The following SMAP1 variants were observed in gnomAD, a reference collection of about 807,000 sequenced individuals.
SMAP1 encodes the protein stromal membrane-associated protein 1.
A neutral mutation model predicts 58.5 loss-of-function variants in SMAP1; 24 were observed. The ratio of observed to expected loss-of-function variants is 0.41; its 90% CI spans 0.30 to 0.58. SMAP1 has a LOEUF of 0.58. Among genes scored for constraint, SMAP1 ranks in the 20% least tolerant of loss-of-function variants. The pLI, the probability that SMAP1 is intolerant of heterozygous loss-of-function variation, is 0.29. For missense variants in SMAP1, 563 were observed against 566.3 expected (o/e 0.99, Z 0.06); for synonymous variants, 216 against 196.6 (o/e 1.10, Z -0.82).
chr6:70,749,301 G>A (rs561993499), intron 2 of SMAP1, among the ~76,000 whole-genome samples: 1 of 152,204 alleles, frequency 6.6e-6, no homozygotes, highest in African/African-American at 2.4e-5. Context: ...CTCCCACCAA[G>A]TCCCTTCCCA....
intron 1 of SMAP1, among the ~76,000 whole-genome samples, chr6:70,688,499 T>G (rs781967): frequency 0.43 from 66,000 of 152,024 alleles, 14,695 homozygotes; most frequent in South Asian, 0.5. Flanking sequence ...ATGTTAGATG[T>G]GTTGTAACAG....
At chr6:70,833,380 C>T (rs954743538) in intron 6 of SMAP1, among the ~76,000 whole-genome samples, 3 of 152,154 alleles carry the variant, frequency 2.0e-5, no homozygotes, top group African/African-American at 7.2e-5. Flanking sequence ...ACGTTGTGTT[C>T]AGGTTACGGC....
intron 10 of SMAP1, chr6:70,859,394 G>A: frequency 6.5e-7 from 1 of 1,549,044 alleles, no homozygotes; most frequent in Non-Finnish European, 8.7e-7. Context: ...CAATGACAAG[G>A]TGGTTAAAAT....
At chr6:70,840,650 C>A (rs556902106) in intron 7 of SMAP1, among the ~76,000 whole-genome samples, 77 of 152,250 alleles carry the variant, frequency 5.1e-4, no homozygotes, top group African/African-American at 1.7e-3. Context: ...TTTATGTTCC[C>A]AATAGTACCT....
At chr6:70,669,485 G>T (rs1300314211) in intron 1 of SMAP1, among the ~76,000 whole-genome samples, 3 of 152,332 alleles carry the variant, frequency 2.0e-5, no homozygotes, top group South Asian at 2.1e-4. Context: ...ATTGAGTCAA[G>T]ATTATATTTA....
At chr6:70,843,827 A>G (rs1375029486) in intron 7 of SMAP1, among the ~76,000 whole-genome samples, 4 of 152,214 alleles carry the variant, frequency 2.6e-5, no homozygotes. Context: ...CTTTATGTGA[A>G]GCACCTAGCA....
Position 70,729,459 on chromosome 6 carries a change from T to TTGTGTGTGTGTGTGTGTGTG in SMAP1, c.119-2903_119-2884dup, listed in dbSNP as rs35058846. Among the ~76,000 whole-genome samples the TTGTGTGTGTGTGTGTGTGTG allele has an allele frequency of 1.2e-3, 149 of 128,104 alleles. 1 individual carries two copies. The highest frequency in any genetic ancestry group is 1.6e-3 in the South Asian group (6 of 3,796). The allele number at this position is 128,104 out of a possible 152,430, so 84.0% of individuals were successfully genotyped here. ...GTCTCAAAAAAAAAAAAAAAGAAGG[T>TTGTGTGTGTGTGTGTGTGTG]TGTGTGTGTGTGTGTGTGTGTGTGT... On this transcript the variant is annotated intron_variant, in intron 1 of 10. Coordinates refer to ENST00000370455, the MANE Select transcript of SMAP1 (RefSeq NM_001044305.3).
At position 70,860,311 on chromosome 6, in the gene SMAP1, C is replaced by T. The variant is rs374666903; in HGVS notation, c.1381C>T (p.Leu461Phe). Residue 461 changes from leucine to phenylalanine, a missense_variant, in exon 11 of 11, where the codon CTC (leucine) becomes TTC (phenylalanine). Leu to Phe is a conservative substitution (Grantham distance 22, BLOSUM62 0). Around this residue, in one of 3 missense-constraint regions of SMAP1, gnomAD observed 494 missense variants for 473.8 expected, o/e 1.04. Transcript: ENST00000370455. ...GTCTGGAAGCTCATCAGGTCAGACTCTCAGCACACAACTGTGGAAATGAAA... is the reference window on the plus strand; with the variant it reads ...GTCTGGAAGCTCATCAGGTCAGACTTTCAGCACACAACTGTGGAAATGAAA... Reference protein sequence around the residue: ...GWSGSSSGQTLSTQLWK With the variant: ...GWSGSSSGQTFSTQLWK 7 of 1,612,490 alleles carry T rather than the reference C, an allele frequency of 4.3e-6. No individual in the cohort carries two copies. Among genetic ancestry groups the T allele is most frequent in the South Asian group, 1.1e-5 (1 of 90,728 alleles).
chr6:70,712,366 C>T (rs1768089684), intron 1 of SMAP1, among the ~76,000 whole-genome samples: 2 of 152,152 alleles, frequency 1.3e-5, no homozygotes, highest in African/African-American at 2.4e-5. Flanking sequence ...TGAATGTGTG[C>T]TCATCAGAGA....
intron 3 of SMAP1, among the ~76,000 whole-genome samples, chr6:70,765,228 C>A (rs961488314): frequency 2.6e-5 from 4 of 152,178 alleles, no homozygotes; most frequent in African/African-American, 9.7e-5. Flanking sequence ...CTTTTCATAT[C>A]CACCATATAG....
chr6:70,727,456 A>C (rs1304431978), intron 1 of SMAP1, among the ~76,000 whole-genome samples: 1 of 152,174 alleles, frequency 6.6e-6, no homozygotes, highest in Non-Finnish European at 1.5e-5. Context: ...AGCCTCCATT[A>C]ATATTGTTGG....
At chr6:70,765,992 A>C (rs1015181730) in intron 3 of SMAP1, among the ~76,000 whole-genome samples, 1 of 147,596 alleles carries the variant, frequency 6.8e-6, no homozygotes, top group African/African-American at 2.5e-5. Context: ...GAGAATATGC[A>C]GTGTTTGGTT....
intron 1 of SMAP1, among the ~76,000 whole-genome samples, chr6:70,710,159 CAATT>C (rs1767994509): frequency 6.6e-6 from 1 of 151,904 alleles, no homozygotes; most frequent in African/African-American, 2.4e-5. Context: ...TATATCAAAA[CAATT>C]AAACCTGGAA....
At chr6:70,752,083 G>A (rs1031111088) in intron 2 of SMAP1, among the ~76,000 whole-genome samples, 4 of 152,148 alleles carry the variant, frequency 2.6e-5, no homozygotes, top group Admixed American at 1.3e-4. Flanking sequence ...CTGTCTTGTC[G>A]TAAAATTTTC....
intron 6 of SMAP1, among the ~76,000 whole-genome samples, chr6:70,833,142 G>T (rs1202386571): frequency 6.6e-6 from 1 of 152,068 alleles, no homozygotes; most frequent in African/African-American, 2.4e-5. Flanking sequence ...ACTCTATCTA[G>T]AATTTTAGAA....
chr6:70,796,692 C>G (rs1768622823), intron 5 of SMAP1, among the ~76,000 whole-genome samples: 1 of 152,170 alleles, frequency 6.6e-6, no homozygotes, highest in African/African-American at 2.4e-5. Context: ...TCCCAACTTT[C>G]TAGATGGTCT....
Position 70,861,413 on chromosome 6 carries a change from C to A in SMAP1, c.*1079C>A. On this transcript the variant is annotated 3_prime_UTR_variant, in exon 11 of 11. Coordinates refer to ENST00000370455, the MANE Select transcript of SMAP1 (RefSeq NM_001044305.3). Reference sequence around the variant, plus strand: ...CAGTATCGGCACTGTACAAAAAAATCTTCCAATTTAGTTGTTGTAGAGAAA... The same window carrying A: ...CAGTATCGGCACTGTACAAAAAAATATTCCAATTTAGTTGTTGTAGAGAAA... 2.1e-6 allele frequency: 1 copy of A among 474,684 alleles called. No homozygotes were observed. The highest frequency in any genetic ancestry group is 3.1e-5 in the South Asian group (1 of 32,090). 29.4% of individuals were successfully genotyped at this position (474,684 alleles called of 1,614,324 possible). A position where few individuals can be genotyped will look rare whatever the true frequency, so the allele number is the denominator to read the frequency against.
intron 1 of SMAP1, among the ~76,000 whole-genome samples, chr6:70,710,021 T>G (rs1767987916): frequency 6.6e-6 from 1 of 151,978 alleles, no homozygotes; most frequent in Non-Finnish European, 1.5e-5. Context: ...ACTCATAGAG[T>G]GTACTTACAC....
chr6:70,680,235 C>G (rs1462376160), intron 1 of SMAP1, among the ~76,000 whole-genome samples: 2 of 152,058 alleles, frequency 1.3e-5, no homozygotes, highest in Non-Finnish European at 2.9e-5. Context: ...TATAAAACTG[C>G]TAGAAGAAAA....
Sources: gnomAD v4.1 joint callset for allele counts (sites outside exome capture counted in the v4.1 genomes callset) on GRCh38, gnomAD v4.1.1 for gene constraint, gnomAD v4.1.1 regional missense constraint, MANE v1.5 for transcripts, NCBI Gene and HGNC (gene_info 2026-07-23, HGNC 2026-07-21) for gene names.